PDE4D: variants seen among roughly 807,000 people sequenced by gnomAD.
The protein encoded by PDE4D is 3',5'-cyclic-AMP phosphodiesterase 4D.
PDE4D carries 24 observed loss-of-function variants against 87.4 expected under a neutral mutation model. The ratio of observed to expected loss-of-function variants is 0.27; its 90% CI spans 0.20 to 0.39. The LOEUF (loss-of-function observed/expected upper bound fraction) is 0.39, where lower values mean the gene tolerates loss of function less well. PDE4D is among the 10% of genes least tolerant of loss of function. PDE4D has a pLI of 1.00. For synonymous variants in PDE4D, 384 were observed against 383.2 expected, an observed-to-expected ratio of 1.00 and a Z score of -0.02; for missense variants, 714 against 1,041.0, an observed-to-expected ratio of 0.69 and a Z score of 4.32.
intron 1 of PDE4D, among the ~76,000 whole-genome samples, chr5:60,402,396 G>A (rs1741170117): frequency 1.3e-5 from 2 of 152,216 alleles, no homozygotes; most frequent in Non-Finnish European, 2.9e-5. Context: ...ACAGCTGTGA[G>A]TTTACATGAG....
chr5:59,131,597 AACACACAC>A (rs34161581), intron 5 of PDE4D, among the ~76,000 whole-genome samples: 8,671 of 118,024 alleles, frequency 0.073, 469 homozygotes, highest in East Asian at 0.26. Flanking sequence ...GCCAATTTAA[AACACACAC>A]ACACACACAC....
chr5:59,090,801 C>CT (rs1768572315), intron 5 of PDE4D, among the ~76,000 whole-genome samples: 3 of 115,178 alleles, frequency 2.6e-5, no homozygotes, highest in African/African-American at 6.9e-5. Context: ...TTTTTTTTTT[C>CT]TTTTTCTTTT....
intron 3 of PDE4D, among the ~76,000 whole-genome samples, chr5:59,933,593 A>T (rs1756217136): frequency 6.6e-6 from 1 of 152,154 alleles, no homozygotes; most frequent in Non-Finnish European, 1.5e-5. Context: ...CTATTCTTAC[A>T]TTCATTTGAT....
intron 2 of PDE4D, among the ~76,000 whole-genome samples, chr5:60,050,470 C>T (rs1422260390): frequency 1.3e-5 from 2 of 152,206 alleles, no homozygotes; most frequent in East Asian, 1.9e-4. Context: ...AAATCCTTTA[C>T]AGACAACCCA....
chr5:59,030,453 TC>T (rs1757177248), intron 6 of PDE4D, among the ~76,000 whole-genome samples: 2 of 146,182 alleles, frequency 1.4e-5, no homozygotes, highest in Non-Finnish European at 1.5e-5. Context: ...AAAACAATGT[TC>T]CCCAGCCCTG....
At chr5:60,109,129 T>G (rs1436554412) in intron 2 of PDE4D, among the ~76,000 whole-genome samples, 2 of 151,094 alleles carry the variant, frequency 1.3e-5, no homozygotes, top group African/African-American at 4.9e-5. Context: ...AGGGCTAATA[T>G]CCAGAATCTA....
At chr5:59,131,229 G>A (rs1033950387) in intron 5 of PDE4D, among the ~76,000 whole-genome samples, 2 of 152,108 alleles carry the variant, frequency 1.3e-5, no homozygotes, top group African/African-American at 4.8e-5. Context: ...TGGTGCTTAA[G>A]GCAGTTCAAT....
At chr5:59,108,573 A>G (rs1238138120) in intron 5 of PDE4D, among the ~76,000 whole-genome samples, 1 of 152,132 alleles carries the variant, frequency 6.6e-6, no homozygotes, top group Non-Finnish European at 1.5e-5. Context: ...GAGGGAACCT[A>G]GGACAGTGTT....
chr5:60,205,062 C>T (rs1742339648), intron 1 of PDE4D, among the ~76,000 whole-genome samples: 1 of 152,168 alleles, frequency 6.6e-6, no homozygotes, highest in Non-Finnish European at 1.5e-5. Context: ...TGGTCCTTAT[C>T]ATACTCCCCC....
chr5:59,158,505 CA>C (rs1780567222), intron 5 of PDE4D, among the ~76,000 whole-genome samples: 1 of 152,082 alleles, frequency 6.6e-6, no homozygotes, highest in Non-Finnish European at 1.5e-5. Flanking sequence ...GTTGAAAACT[CA>C]AAATAGCAAA....
intron 1 of PDE4D, among the ~76,000 whole-genome samples, chr5:59,814,223 A>T (rs2152682256): frequency 6.6e-6 from 1 of 152,258 alleles, no homozygotes; most frequent in Middle Eastern, 3.4e-3. Flanking sequence ...CTTTATTGGG[A>T]CACAACCATT....
At chr5:60,359,185 T>C (rs540948827) in intron 1 of PDE4D, among the ~76,000 whole-genome samples, 603 of 152,280 alleles carry the variant, frequency 4.0e-3, no homozygotes, top group Admixed American at 3.9e-3. Flanking sequence ...GGAGGGCTGA[T>C]TGCTAGAGTT....
chr5:60,235,031 T>C (rs1299676344), intron 1 of PDE4D, among the ~76,000 whole-genome samples: 1 of 151,892 alleles, frequency 6.6e-6, no homozygotes, highest in African/African-American at 2.4e-5. Context: ...GATAACAGGC[T>C]TAAAGTCATA....
intron 2 of PDE4D, among the ~76,000 whole-genome samples, chr5:60,062,341 G>T (rs936616296): frequency 6.6e-6 from 1 of 152,092 alleles, no homozygotes; most frequent in African/African-American, 2.4e-5. Context: ...TTAAAGAAAT[G>T]CAAATCAAAA....
At chr5:59,696,904 A>C (rs1249537976) in intron 1 of PDE4D, among the ~76,000 whole-genome samples, 1 of 152,214 alleles carries the variant, frequency 6.6e-6, no homozygotes, top group Non-Finnish European at 1.5e-5. Flanking sequence ...AGAGATACAC[A>C]TATGAGAAGT....
intron 3 of PDE4D, 36 bp downstream of exon 3, chr5:59,193,463 CT>C (rs759150364): frequency 5.0e-6 from 8 of 1,593,076 alleles, no homozygotes; most frequent in South Asian, 1.1e-5. Flanking sequence ...ATTTTTACAT[CT>C]GTGAGAAACC....
chr5:59,039,207 C>T (rs1327007975), intron 5 of PDE4D: 32 of 1,298,328 alleles, frequency 2.5e-5, no homozygotes, highest in Non-Finnish European at 3.0e-5. Context: ...TCGGGTCGGC[C>T]TCCAGGGAGG....
intron 3 of PDE4D, among the ~76,000 whole-genome samples, chr5:59,192,347 G>A (rs1388584809): frequency 6.6e-6 from 1 of 152,056 alleles, no homozygotes; most frequent in Non-Finnish European, 1.5e-5. Context: ...TATAAGCGTG[G>A]TATTATTTCA....
intron 5 of PDE4D, 133 bp downstream of exon 5, chr5:59,180,462 A>G: frequency 2.6e-6 from 2 of 770,562 alleles, no homozygotes; most frequent in South Asian, 3.0e-5. Flanking sequence ...GATAGAAATG[A>G]TAATGTAGAG....
Sources: gnomAD v4.1 joint callset for allele counts (sites outside exome capture counted in the v4.1 genomes callset) on GRCh38, gnomAD v4.1.1 for gene constraint, MANE v1.5 for transcripts, NCBI Gene and HGNC (gene_info 2026-07-23, HGNC 2026-07-21) for gene names.